Variants in PCDHGA6 observed in about 807,000 individuals in gnomAD.
PCDHGA6 encodes protocadherin gamma subfamily A, 6.
PCDHGA6 carries 41 observed loss-of-function variants against 60.6 expected under a neutral mutation model. The observed-to-expected ratio is 0.68, with a 90% CI of 0.53 to 0.88. PCDHGA6 has a LOEUF of 0.88. Among genes scored for constraint, PCDHGA6 ranks in the 40% least tolerant of loss-of-function variants. The pLI, the probability that PCDHGA6 is intolerant of heterozygous loss-of-function variation, is 0.00. For missense variants in PCDHGA6, 1,312 were observed against 1,203.0 expected (o/e 1.09, Z -1.34); for synonymous variants, 594 against 524.4 (o/e 1.13, Z -1.81).
chr5:141,474,687 A>G (rs369586568), intron 1 of PCDHGA6, among the ~76,000 whole-genome samples: 35 of 152,302 alleles, frequency 2.3e-4, no homozygotes, highest in African/African-American at 7.7e-4. Flanking sequence ...CTACCCCTTC[A>G]CTTATGTTCA....
At position 141,485,727 on chromosome 5, in the gene PCDHGA6, G is replaced by T. The variant is rs773176318; in HGVS notation, c.2425-9080G>T. The T allele has an allele frequency of 3.1e-6, 5 of 1,614,196 alleles. No homozygotes were observed. In the Admixed American group the frequency reaches 5.0e-5, roughly 16 times the overall value. Reference sequence around the variant, plus strand: ...CACTTTGCACTGGATGTGAAGAAGCGCAGCGACGGCAGCCTGGTCCCAGAG... The same window carrying T: ...CACTTTGCACTGGATGTGAAGAAGCTCAGCGACGGCAGCCTGGTCCCAGAG... On this transcript the variant is annotated intron_variant, in intron 1 of 3. Transcript: ENST00000517434. The surrounding 1 kb of genome is among the most constrained non-coding windows in gnomAD (Gnocchi z 5.7).
At chr5:141,459,215 G>C (rs2098963353) in intron 1 of PCDHGA6, among the ~76,000 whole-genome samples, 1 of 152,112 alleles carries the variant, frequency 6.6e-6, no homozygotes, top group South Asian at 2.1e-4. Flanking sequence ...TACTTCTCCA[G>C]CTCCAGGCAA....
At chr5:141,433,321 G>T in intron 1 of PCDHGA6, 1 of 788,106 alleles carries the variant, frequency 1.3e-6, no homozygotes. Flanking sequence ...TGCCTCCGGT[G>T]TAACAGGGAC....
At chr5:141,496,021 G>A (rs1011612662) in intron 2 of PCDHGA6, among the ~76,000 whole-genome samples, 1 of 151,336 alleles carries the variant, frequency 6.6e-6, no homozygotes, top group Admixed American at 6.6e-5. Context: ...TTTTCTCTGA[G>A]CCTCTGTCTC....
At position 141,481,880 on chromosome 5, in the gene PCDHGA6, C is replaced by T. The variant is rs555652518; in HGVS notation, c.2425-12927C>T. Among the ~76,000 whole-genome samples, 5 of 145,406 alleles carry T rather than the reference C, an allele frequency of 3.4e-5. No individual in the cohort carries two copies. The East Asian group carries it at 1.0e-3, about 29-fold the overall frequency. On this transcript the variant is annotated intron_variant, in intron 1 of 3. Transcript: ENST00000517434. ...AGTGAGCCGAGATCGCGCCACTGCA[C>T]TCCAGCCTGGGTGAAAGAGCGAAAC...
At position 141,489,852 on chromosome 5, in the gene PCDHGA6, C is replaced by G. The variant is rs1197191101; in HGVS notation, c.2425-4955C>G. ...TAGAGCAGCAGCTGGATCGTGAAGC[C>G]CAGGCAAGACATCAGCTGGTGCTTA... On this transcript the variant is annotated intron_variant, in intron 1 of 3. Transcript: ENST00000517434. This position sits in a 1 kb window ranked among gnomAD's most constrained non-coding sequence, Gnocchi z 4.5. The G allele has an allele frequency of 6.2e-7, 1 of 1,614,034 alleles. No homozygotes were observed. Among genetic ancestry groups the G allele is most frequent in the Admixed American group, 1.7e-5 (1 of 60,004 alleles).
At position 141,490,909 on chromosome 5, in the gene PCDHGA6, G is replaced by A. The variant is rs1170664693; in HGVS notation, c.2425-3898G>A. On this transcript the variant is annotated intron_variant, in intron 1 of 3. Coordinates refer to ENST00000517434, the MANE Select transcript of PCDHGA6 (RefSeq NM_018919.3). The surrounding 1 kb of genome is among the most constrained non-coding windows in gnomAD (Gnocchi z 5.4). ...ATCTCTGCATGTGTTTGTCCTAGAC[G>A]AGAATGATAATGCCCCAGCTGTGCT... The A allele has an allele frequency of 1.1e-5, 17 of 1,613,626 alleles. No individual in the cohort carries two copies. Among genetic ancestry groups the A allele is most frequent in the East Asian group, 4.5e-5 (2 of 44,882 alleles).
At chr5:141,424,078 T>C in intron 1 of PCDHGA6, 1 of 975,828 alleles carries the variant, frequency 1.0e-6, no homozygotes, top group South Asian at 4.8e-5. Context: ...GTAGTTATAT[T>C]CCACCATTAT....
chr5:141,458,273 G>C, intron 1 of PCDHGA6, among the ~76,000 whole-genome samples: 1 of 152,158 alleles, frequency 6.6e-6, no homozygotes, highest in Non-Finnish European at 1.5e-5. Context: ...AGGAACAACA[G>C]GGTTCCTGGT....
chr5:141,388,402 G>C, intron 1 of PCDHGA6: 1 of 1,613,972 alleles, frequency 6.2e-7, no homozygotes, highest in Non-Finnish European at 8.5e-7. Context: ...TACCAACTCA[G>C]TCCCAGTGAT....
At chr5:141,422,716 G>A (rs1348237465) in intron 1 of PCDHGA6, 1 of 1,604,378 alleles carries the variant, frequency 6.2e-7, no homozygotes, top group Non-Finnish European at 8.5e-7. Flanking sequence ...GGATGACACT[G>A]TCCAGGGGGT....
chr5:141,441,737 C>T lies in PCDHGA6; in HGVS notation c.2425-53070C>T, dbSNP rs2098268916. 5 of 365,122 alleles carry T rather than the reference C, an allele frequency of 1.4e-5. 1 individual carries two copies. The highest frequency in any genetic ancestry group is 1.1e-4 in the South Asian group (5 of 46,286). 22.6% of individuals were successfully genotyped at this position (365,122 alleles called of 1,614,324 possible). ...TGCAGGCCCGCGACCAGGACTAGCT[C>T]GCGCTCGGCGTCAACGTGAGCCTGC... On this transcript the variant is annotated intron_variant, in intron 1 of 3. Transcript: ENST00000517434.
intron 2 of PCDHGA6, among the ~76,000 whole-genome samples, chr5:141,502,124 A>G (rs4912762): frequency 0.55 from 83,213 of 152,012 alleles, 23,486 homozygotes; most frequent in African/African-American, 0.67. Flanking sequence ...CCAGGCCCAC[A>G]GAGCTCAGTC....
rs369352283 is a variant in PCDHGA6 at position 141,374,184 on chromosome 5, C to G, written c.101C>G (p.Ser34Cys). The G allele has an allele frequency of 5.0e-6, 8 of 1,613,676 alleles. No homozygotes were observed. The highest frequency in any genetic ancestry group is 3.3e-4 in the Middle Eastern group (2 of 6,082). The change falls in exon 1 of 4, where the codon TCT (serine) becomes TGT (cysteine). Residue 34 changes from serine (S) to cysteine (C), a missense_variant. By Grantham distance (112) the Ser-to-Cys change is moderately radical (BLOSUM62 -1). Transcript: ENST00000517434. ...GCCGCGGCAGCGCAGATCCGCTACTCTATTCCCGAGGAGCTGGAGAAAGGC... is the reference window on the plus strand; with the variant it reads ...GCCGCGGCAGCGCAGATCCGCTACTGTATTCCCGAGGAGCTGGAGAAAGGC... The part of the protein sequence containing the change: ...WGAAAAQIRY[S>C]IPEELEKGSF...
At chr5:141,402,433 A>C (rs1331958085) in intron 1 of PCDHGA6, among the ~76,000 whole-genome samples, 1 of 152,146 alleles carries the variant, frequency 6.6e-6, no homozygotes, top group Non-Finnish European at 1.5e-5. Context: ...GAAGCATCAT[A>C]AAAAGGAAAT....
chr5:141,446,251 A>G (rs979768028), intron 1 of PCDHGA6, among the ~76,000 whole-genome samples: 1 of 152,178 alleles, frequency 6.6e-6, no homozygotes, highest in Admixed American at 6.5e-5. Context: ...ATCTTCAGTG[A>G]AATATTATTA....
intron 1 of PCDHGA6, among the ~76,000 whole-genome samples, chr5:141,492,869 A>G (rs975868829): frequency 6.6e-6 from 1 of 152,010 alleles, no homozygotes; most frequent in African/African-American, 2.4e-5. Context: ...CTGGCTCTCA[A>G]CCCCCAGAGA....
At chr5:141,480,059 T>G (rs1169389701) in intron 1 of PCDHGA6, among the ~76,000 whole-genome samples, 1 of 152,096 alleles carries the variant, frequency 6.6e-6, no homozygotes, top group African/African-American at 2.4e-5. Context: ...GAATAATAAG[T>G]GTTTTATAAG....
chr5:141,417,954 C>G, intron 1 of PCDHGA6: 2 of 1,613,600 alleles, frequency 1.2e-6, no homozygotes, highest in South Asian at 1.1e-5. Flanking sequence ...CTGTGTGAGC[C>G]GATCCGCTAC....
Sources: gnomAD v4.1 joint callset for allele counts (sites outside exome capture counted in the v4.1 genomes callset) on GRCh38, gnomAD v4.1.1 for gene constraint, Gnocchi (gnomAD v3.1) non-coding constraint, MANE v1.5 for transcripts, NCBI Gene and HGNC (gene_info 2026-07-23, HGNC 2026-07-21) for gene names.